The following LDB2 variants were observed in gnomAD, a reference collection of about 807,000 sequenced individuals.
The protein encoded by LDB2 is LIM domain binding 2, also known as LIM domain-binding protein 2.
A neutral mutation model predicts 44.3 loss-of-function variants in LDB2; 12 were observed. That is an observed-to-expected ratio of 0.27 (90% CI 0.17 to 0.44). The LOEUF is 0.44. LDB2 is among the 20% of genes least tolerant of loss of function. The pLI, the probability that LDB2 is intolerant of heterozygous loss-of-function variation, is 1.00. For synonymous variants in LDB2, 164 were observed against 174.8 expected, an observed-to-expected ratio of 0.94 and a Z score of 0.49; for missense variants, 344 against 473.5, an observed-to-expected ratio of 0.73 and a Z score of 2.54.
intron 5 of LDB2, among the ~76,000 whole-genome samples, chr4:16,562,048 C>T (rs1742540560): frequency 6.6e-6 from 1 of 152,168 alleles, no homozygotes; most frequent in African/African-American, 2.4e-5. Flanking sequence ...CCCTTCCTTA[C>T]ATCTTATACA....
chr4:16,541,927 T>C (rs1483723395), intron 5 of LDB2, among the ~76,000 whole-genome samples: 1 of 152,072 alleles, frequency 6.6e-6, no homozygotes, highest in East Asian at 1.9e-4. Flanking sequence ...CCTAGTTAGG[T>C]TTGCTGTACA....
At chr4:16,833,543 T>TC (rs1293972689) in intron 1 of LDB2, among the ~76,000 whole-genome samples, 30 of 119,622 alleles carry the variant, frequency 2.5e-4, no homozygotes, top group African/African-American at 8.9e-4. Context: ...AATCTTTTCC[T>TC]CTTTTTTTTT....
rs202191062 is a variant in LDB2 at position 16,749,581 on chromosome 4, T to A, written c.235+9577A>T. ...CTCAAAAAAAAAAAAAATAAAAAAA[T>A]AAAAAAAAATATATATATATATATA... On this transcript the variant is annotated intron_variant, in intron 2 of 7. Coordinates refer to ENST00000304523, the MANE Select transcript of LDB2 (RefSeq NM_001290.5). 6.9e-3 allele frequency among the ~76,000 whole-genome samples: 851 copies of A among 123,618 alleles called. 18 individuals are homozygous for A. In the East Asian group the frequency reaches 0.089, roughly 13 times the overall value. The allele number at this position is 123,618 out of a possible 152,430, so 81.1% of individuals were successfully genotyped here.
At chr4:16,712,030 A>G (rs1005355548) in intron 2 of LDB2, among the ~76,000 whole-genome samples, 1 of 152,196 alleles carries the variant, frequency 6.6e-6, no homozygotes, top group African/African-American at 2.4e-5. Context: ...TGATCACAGA[A>G]GCACAGTCCA....
chr4:16,852,206 G>A (rs1234124320), intron 1 of LDB2, among the ~76,000 whole-genome samples: 1 of 152,116 alleles, frequency 6.6e-6, no homozygotes, highest in Non-Finnish European at 1.5e-5. Context: ...CATATAGTAG[G>A]TCCTAGATAC....
intron 2 of LDB2, among the ~76,000 whole-genome samples, chr4:16,664,007 A>C (rs1306052261): frequency 6.7e-6 from 1 of 150,040 alleles, no homozygotes; most frequent in Non-Finnish European, 1.5e-5. Context: ...TGGAGGGGCA[A>C]AGCAATGTTA....
chr4:16,541,349 G>A (rs757431526), intron 5 of LDB2, among the ~76,000 whole-genome samples: 20 of 152,150 alleles, frequency 1.3e-4, no homozygotes, highest in Admixed American at 9.2e-4. Flanking sequence ...TCCATGTGAT[G>A]TTCCTGTTCT....
intron 1 of LDB2, among the ~76,000 whole-genome samples, chr4:16,807,015 C>T (rs16894032): frequency 0.016 from 2,387 of 152,278 alleles, 71 homozygotes; most frequent in African/African-American, 0.054. Flanking sequence ...GAAAAAGCCA[C>T]GGTTTGGGAA....
chr4:16,815,152 A>G (rs1191243090), intron 1 of LDB2, among the ~76,000 whole-genome samples: 2 of 152,252 alleles, frequency 1.3e-5, no homozygotes, highest in Admixed American at 6.5e-5. Context: ...TTTTCATTGC[A>G]TTAATCAGGT....
intron 2 of LDB2, among the ~76,000 whole-genome samples, chr4:16,729,907 A>T (rs975496218): frequency 6.6e-6 from 1 of 152,098 alleles, no homozygotes; most frequent in Non-Finnish European, 1.5e-5. Context: ...GATTTTTAAC[A>T]CCTTGGGTAT....
At chr4:16,613,815 A>G (rs1367030507) in intron 2 of LDB2, among the ~76,000 whole-genome samples, 1 of 152,232 alleles carries the variant, frequency 6.6e-6, no homozygotes, top group Non-Finnish European at 1.5e-5. Flanking sequence ...GATAGGAAGA[A>G]TCGATATTGA....
intron 2 of LDB2, among the ~76,000 whole-genome samples, chr4:16,717,700 G>C (rs1757375004): frequency 6.6e-6 from 1 of 152,080 alleles, no homozygotes; most frequent in Non-Finnish European, 1.5e-5. Context: ...ACACAAATCT[G>C]ATAAACACCT....
chr4:16,698,625 G>A (rs1048332124), intron 2 of LDB2, among the ~76,000 whole-genome samples: 4 of 151,816 alleles, frequency 2.6e-5, no homozygotes, highest in African/African-American at 9.7e-5. Context: ...ATTTCTTTCT[G>A]TAGGTTCTTT....
At chr4:16,606,786 T>A (rs990183125) in intron 2 of LDB2, among the ~76,000 whole-genome samples, 1 of 152,250 alleles carries the variant, frequency 6.6e-6, no homozygotes, top group African/African-American at 2.4e-5. Context: ...CTCTAAGAGT[T>A]CTTATAAAAT....
intron 1 of LDB2, among the ~76,000 whole-genome samples, chr4:16,780,051 A>T (rs1372719565): frequency 6.6e-6 from 1 of 152,152 alleles, no homozygotes; most frequent in Non-Finnish European, 1.5e-5. Context: ...CTTCCCTGTC[A>T]CACATGCTGG....
chr4:16,790,925 G>T (rs1421069574), intron 1 of LDB2, among the ~76,000 whole-genome samples: 2 of 148,116 alleles, frequency 1.4e-5, no homozygotes, highest in Non-Finnish European at 3.0e-5. Context: ...CCAGGACTTA[G>T]GCTGTGTGGA....
chr4:16,716,303 G>A (rs1221439470), intron 2 of LDB2, among the ~76,000 whole-genome samples: 1 of 152,088 alleles, frequency 6.6e-6, no homozygotes, highest in Non-Finnish European at 1.5e-5. Flanking sequence ...AAGAGCTGGA[G>A]GGAATTATAC....
At chr4:16,727,183 A>C (rs1209032816) in intron 2 of LDB2, among the ~76,000 whole-genome samples, 1 of 152,226 alleles carries the variant, frequency 6.6e-6, no homozygotes, top group African/African-American at 2.4e-5. Flanking sequence ...TTCCTGATTC[A>C]TCAACTCAAA....
At chr4:16,532,763 A>G (rs188047849) in intron 5 of LDB2, among the ~76,000 whole-genome samples, 89 of 152,292 alleles carry the variant, frequency 5.8e-4, no homozygotes, top group African/African-American at 1.9e-3. Flanking sequence ...CCCAAACCCA[A>G]TGCTGCAGGA....
Sources: gnomAD v4.1 joint callset for allele counts (sites outside exome capture counted in the v4.1 genomes callset) on GRCh38, gnomAD v4.1.1 for gene constraint, MANE v1.5 for transcripts, NCBI Gene and HGNC (gene_info 2026-07-23, HGNC 2026-07-21) for gene names.